The following CACNG3 variants were observed in gnomAD, a reference collection of about 807,000 sequenced individuals.
CACNG3 encodes calcium voltage-gated channel auxiliary subunit gamma 3.
CACNG3 carries 3 observed loss-of-function variants against 28.5 expected under a neutral mutation model. The ratio of observed to expected loss-of-function variants is 0.11; its 90% confidence interval spans 0.05 to 0.27. CACNG3 has a LOEUF of 0.27. Among genes scored for constraint, CACNG3 ranks in the 10% least tolerant of loss-of-function variants. CACNG3 has a pLI of 1.00. For missense variants in CACNG3, 236 were observed against 414.4 expected (o/e 0.57, Z 3.74); for synonymous variants, 174 against 162.2 (o/e 1.07, Z -0.55).
chr16:24,256,742 A>T lies in CACNG3; in HGVS notation c.-13A>T. On this transcript the variant is annotated 5_prime_UTR_variant, in exon 1 of 4. Coordinates refer to ENST00000005284, the MANE Select transcript of CACNG3 (RefSeq NM_006539.4). The surrounding 1 kb of genome is among the most constrained non-coding windows in gnomAD (Gnocchi z 4.6). ...CCTCCAACCCCCAGCCGTCCAGAGT[A>T]CCATGAAGAATTATGAGGATGTGTG... 1 of 1,585,476 alleles carries T rather than the reference A, an allele frequency of 6.3e-7. No individual in the cohort carries two copies. The highest frequency in any genetic ancestry group is 8.7e-7 in the Non-Finnish European group (1 of 1,154,030).
intron 2 of CACNG3, among the ~76,000 whole-genome samples, chr16:24,347,534 A>T (rs1239205267): frequency 2.0e-5 from 3 of 152,176 alleles, no homozygotes; most frequent in Admixed American, 2.0e-4. Flanking sequence ...TGGAGGTGCT[A>T]ATGGCAGAGT....
intron 1 of CACNG3, among the ~76,000 whole-genome samples, chr16:24,286,836 T>C (rs1898901856): frequency 1.3e-5 from 2 of 152,154 alleles, no homozygotes; most frequent in South Asian, 4.1e-4. Context: ...AGACCTACGC[T>C]CTTAACGACT....
At chr16:24,339,021 T>C (rs995657888) in intron 1 of CACNG3, among the ~76,000 whole-genome samples, 2 of 152,218 alleles carry the variant, frequency 1.3e-5, no homozygotes, top group Non-Finnish European at 2.9e-5. Context: ...AGCTTAGACA[T>C]AATTTCACTC....
intron 1 of CACNG3, among the ~76,000 whole-genome samples, chr16:24,268,372 C>T (rs547389415): frequency 6.6e-6 from 1 of 152,228 alleles, no homozygotes; most frequent in South Asian, 2.1e-4. Flanking sequence ...ACAGTCTCAC[C>T]CTAATCATCA....
At chr16:24,320,092 C>T (rs1437244521) in intron 1 of CACNG3, among the ~76,000 whole-genome samples, 1 of 152,100 alleles carries the variant, frequency 6.6e-6, no homozygotes, top group Non-Finnish European at 1.5e-5. Context: ...ACAACTTTCA[C>T]AAGAGAAATG....
chr16:24,338,615 G>A (rs1353336469), intron 1 of CACNG3, among the ~76,000 whole-genome samples: 9 of 152,158 alleles, frequency 5.9e-5, no homozygotes, highest in African/African-American at 2.2e-4. Flanking sequence ...AAAGTGCTGG[G>A]ATTACAGGCA....
intron 1 of CACNG3, among the ~76,000 whole-genome samples, chr16:24,267,518 G>A (rs1163888995): frequency 6.6e-6 from 1 of 152,040 alleles, no homozygotes. Context: ...CAACTCATGG[G>A]CTGAAGCAAT....
intron 1 of CACNG3, among the ~76,000 whole-genome samples, chr16:24,306,785 C>G (rs1899191112): frequency 1.3e-5 from 2 of 152,146 alleles, no homozygotes; most frequent in South Asian, 4.1e-4. Flanking sequence ...CCACTCCAGC[C>G]CATGAAGCCC....
At position 24,279,362 on chromosome 16, in the gene CACNG3, C is replaced by T. The variant is rs111714988; in HGVS notation, c.211+22397C>T. ...GGGCTGGAGTGCAGTGGTGCAATCTCGGCTTACTGCAGCCTTGACTTCCTG... is the reference window on the plus strand; with the variant it reads ...GGGCTGGAGTGCAGTGGTGCAATCTTGGCTTACTGCAGCCTTGACTTCCTG... On this transcript the variant is annotated intron_variant, in intron 1 of 3. Transcript: ENST00000005284. 1.5e-3 allele frequency among the ~76,000 whole-genome samples: 223 copies of T among 152,262 alleles called. 1 individual carries two copies. Among genetic ancestry groups the T allele is most frequent in the African/African-American group, 4.9e-3 (203 of 41,550 alleles).
intron 1 of CACNG3, among the ~76,000 whole-genome samples, chr16:24,287,659 A>G (rs1221991547): frequency 6.6e-6 from 1 of 152,194 alleles, no homozygotes; most frequent in Non-Finnish European, 1.5e-5. Context: ...TGGCAACAGA[A>G]CCATCCTACC....
At chr16:24,355,364 A>T (rs1008917053) in intron 3 of CACNG3, among the ~76,000 whole-genome samples, 6 of 47,376 alleles carry the variant, frequency 1.3e-4, no homozygotes, top group Admixed American at 4.2e-4. Context: ...GTTTGAGCCC[A>T]GGAGTTCGAG....
intron 1 of CACNG3, among the ~76,000 whole-genome samples, chr16:24,331,657 C>A (rs560508017): frequency 3.9e-5 from 6 of 152,352 alleles, no homozygotes; most frequent in African/African-American, 1.4e-4. Flanking sequence ...CAGTTCTGGA[C>A]CCTGGCCTGT....
chr16:24,269,746 C>CATAAAA (rs1898659740), intron 1 of CACNG3, among the ~76,000 whole-genome samples: 1 of 71,082 alleles, frequency 1.4e-5, no homozygotes, highest in Non-Finnish European at 2.9e-5. Context: ...GACTCCATCT[C>CATAAAA]AAAAAAAAAA....
chr16:24,354,249 C>A (rs187847309), intron 2 of CACNG3, among the ~76,000 whole-genome samples: 1 of 152,118 alleles, frequency 6.6e-6, no homozygotes, highest in African/African-American at 2.4e-5. Flanking sequence ...TTTCTGTGAT[C>A]GCTCTCGATC....
At chr16:24,300,494 T>C (rs1899093638) in intron 1 of CACNG3, among the ~76,000 whole-genome samples, 1 of 152,150 alleles carries the variant, frequency 6.6e-6, no homozygotes. Context: ...AATTTTGAAA[T>C]GTTGGCTATG....
At chr16:24,347,775 G>T (rs1567224532) in intron 2 of CACNG3, among the ~76,000 whole-genome samples, 1 of 152,206 alleles carries the variant, frequency 6.6e-6, no homozygotes, top group Non-Finnish European at 1.5e-5. Flanking sequence ...TTGAGCCAAG[G>T]CCTCTGGAAT....
At chr16:24,352,197 C>T (rs1210541314) in intron 2 of CACNG3, among the ~76,000 whole-genome samples, 2 of 151,998 alleles carry the variant, frequency 1.3e-5, no homozygotes. Context: ...TGAAAACGGC[C>T]GGAGCTAAAC....
At chr16:24,293,132 G>A (rs751565670) in intron 1 of CACNG3, among the ~76,000 whole-genome samples, 5 of 152,198 alleles carry the variant, frequency 3.3e-5, no homozygotes, top group Non-Finnish European at 7.3e-5. Flanking sequence ...AGAAGTTATT[G>A]TCCCTTGAAT....
chr16:24,348,283 G>C (rs114824464), intron 2 of CACNG3, among the ~76,000 whole-genome samples: 2 of 151,600 alleles, frequency 1.3e-5, no homozygotes, highest in African/African-American at 4.9e-5. Flanking sequence ...CACACCCTTA[G>C]TCCCAGCTAC....
Sources: gnomAD v4.1 joint callset for allele counts (sites outside exome capture counted in the v4.1 genomes callset) on GRCh38, gnomAD v4.1.1 for gene constraint, Gnocchi (gnomAD v3.1) non-coding constraint, MANE v1.5 for transcripts, NCBI Gene and HGNC (gene_info 2026-07-23, HGNC 2026-07-21) for gene names.